SNX18: variants seen among roughly 807,000 people sequenced by gnomAD.
The protein encoded by SNX18 is sorting nexin-18.
A neutral mutation model predicts 48.7 loss-of-function variants in SNX18; 35 were observed. That is an observed-to-expected ratio of 0.72 (90% CI 0.55 to 0.95). The LOEUF (loss-of-function observed/expected upper bound fraction) is 0.95, where lower values mean the gene tolerates loss of function less well. Among genes scored for constraint, SNX18 ranks in the 40% least tolerant of loss-of-function variants. The pLI is 0.00. For synonymous variants in SNX18, 492 were observed against 384.7 expected, an observed-to-expected ratio of 1.28 and a Z score of -3.26; for missense variants, 824 against 871.0, an observed-to-expected ratio of 0.95 and a Z score of 0.68.
chr5:54,640,193 C>G, the SNX18 span, among the ~76,000 whole-genome samples: 4 of 150,656 alleles, frequency 2.7e-5, no homozygotes, highest in African/African-American at 9.8e-5. Context: ...AAGTTCATCA[C>G]TGTCTAGAAA....
At chr5:54,532,381 C>A (rs886381193) in intron 1 of SNX18, among the ~76,000 whole-genome samples, 1 of 144,362 alleles carries the variant, frequency 6.9e-6, no homozygotes, top group Non-Finnish European at 1.5e-5. Context: ...AAGAACTGGG[C>A]ACTGCAGACC....
the SNX18 span, among the ~76,000 whole-genome samples, chr5:54,628,903 C>G: frequency 1.3e-5 from 2 of 152,322 alleles, no homozygotes; most frequent in Non-Finnish European, 2.9e-5. Flanking sequence ...GTGTCTCCCC[C>G]TCGAGAAAAC....
chr5:54,623,132 G>A, the SNX18 span, among the ~76,000 whole-genome samples: 25 of 152,230 alleles, frequency 1.6e-4, no homozygotes, highest in South Asian at 6.2e-4. Context: ...ATCTGCTTAC[G>A]TGAGAACTGG....
chr5:54,569,874 C>T, the SNX18 span, among the ~76,000 whole-genome samples: 4 of 152,128 alleles, frequency 2.6e-5, no homozygotes, highest in Non-Finnish European at 5.9e-5. Context: ...GGGGAGGGGG[C>T]AAGATCCCAC....
chr5:54,535,411 A>G (rs572855391), intron 1 of SNX18, among the ~76,000 whole-genome samples: 2 of 152,374 alleles, frequency 1.3e-5, no homozygotes, highest in Admixed American at 1.3e-4. Context: ...GTACAGAATC[A>G]GCGTGGGAAT....
At chr5:54,620,914 C>T in the SNX18 span, among the ~76,000 whole-genome samples, 842 of 152,232 alleles carry the variant, frequency 5.5e-3, 7 homozygotes, top group African/African-American at 0.019. Flanking sequence ...TGGATTAGGG[C>T]CCCACTCCTC....
chr5:54,536,743 C>G (rs1388484199), intron 1 of SNX18, among the ~76,000 whole-genome samples: 1 of 152,032 alleles, frequency 6.6e-6, no homozygotes, highest in Admixed American at 6.5e-5. Context: ...GGATATATAC[C>G]CAGTAATGGG....
chr5:54,611,817 G>A, the SNX18 span, among the ~76,000 whole-genome samples: 1 of 152,188 alleles, frequency 6.6e-6, no homozygotes, highest in South Asian at 2.1e-4. Flanking sequence ...CAGTGTTGGG[G>A]TGAGGCAGGG....
chr5:54,561,615 C>T, the SNX18 span, among the ~76,000 whole-genome samples: 1 of 151,754 alleles, frequency 6.6e-6, no homozygotes, highest in African/African-American at 2.4e-5. Flanking sequence ...GCTGGGATTA[C>T]AGGCATGAAC....
At chr5:54,595,077 G>A in the SNX18 span, among the ~76,000 whole-genome samples, 1 of 152,078 alleles carries the variant, frequency 6.6e-6, no homozygotes, top group Non-Finnish European at 1.5e-5. Flanking sequence ...CACTGTTGAT[G>A]GGCACCTAGG....
chr5:54,603,543 G>A, the SNX18 span, among the ~76,000 whole-genome samples: 1 of 152,148 alleles, frequency 6.6e-6, no homozygotes, highest in African/African-American at 2.4e-5. Context: ...TGAATTCCCA[G>A]AGGAAGATGA....
At chr5:54,607,016 C>T in the SNX18 span, among the ~76,000 whole-genome samples, 2 of 152,118 alleles carry the variant, frequency 1.3e-5, no homozygotes, top group Non-Finnish European at 2.9e-5. Flanking sequence ...CAAATATGTC[C>T]TCCAGTTTTG....
At chr5:54,571,972 G>A in the SNX18 span, among the ~76,000 whole-genome samples, 1 of 152,220 alleles carries the variant, frequency 6.6e-6, no homozygotes, top group Admixed American at 6.5e-5. Flanking sequence ...AACCTGGCTG[G>A]AGGGAAGGAT....
intron 1 of SNX18, among the ~76,000 whole-genome samples, chr5:54,534,097 C>T (rs55908899): frequency 0.55 from 83,462 of 151,962 alleles, 23,506 homozygotes; most frequent in Non-Finnish European, 0.62. Context: ...GCTGTCCCTG[C>T]TGCCCTTCAG....
At chr5:54,578,021 G>T in the SNX18 span, among the ~76,000 whole-genome samples, 1 of 152,126 alleles carries the variant, frequency 6.6e-6, no homozygotes, top group Non-Finnish European at 1.5e-5. Context: ...GACTGGCCAG[G>T]CCCCACCTCC....
At chr5:54,610,869 C>T in the SNX18 span, among the ~76,000 whole-genome samples, 5 of 152,164 alleles carry the variant, frequency 3.3e-5, no homozygotes, top group African/African-American at 1.2e-4. Flanking sequence ...TGACATTAGT[C>T]CTTGAGAAGT....
chr5:54,565,826 C>G, the SNX18 span, among the ~76,000 whole-genome samples: 2 of 152,152 alleles, frequency 1.3e-5, no homozygotes, highest in Non-Finnish European at 2.9e-5. Flanking sequence ...TTATACAATT[C>G]AACTTTGTTT....
the SNX18 span, among the ~76,000 whole-genome samples, chr5:54,553,386 G>A: frequency 6.6e-6 from 1 of 152,088 alleles, no homozygotes; most frequent in African/African-American, 2.4e-5. Flanking sequence ...GGCAAGCACA[G>A]CAACAGGTCG....
Position 54,517,864 on chromosome 5 carries a change from G to C in SNX18, c.-89G>C. On this transcript the variant is annotated 5_prime_UTR_variant, in exon 1 of 2. Transcript: ENST00000381410. ...CCGCCTTCGGGGCTCCAGTCCGCGC[G>C]CCAGGGCTCGAGCAGTACCGCGGGC... The C allele has an allele frequency of 7.6e-7, 1 of 1,316,044 alleles. No homozygotes were observed. Among genetic ancestry groups the C allele is most frequent in the African/African-American group, 1.6e-5 (1 of 64,304 alleles). 81.5% of individuals were successfully genotyped at this position (1,316,044 alleles called of 1,614,324 possible). A position where few individuals can be genotyped will look rare whatever the true frequency, so the allele number is the denominator to read the frequency against.
Sources: gnomAD v4.1 joint callset for allele counts (sites outside exome capture counted in the v4.1 genomes callset) on GRCh38, gnomAD v4.1.1 for gene constraint, MANE v1.5 for transcripts, NCBI Gene and HGNC (gene_info 2026-07-23, HGNC 2026-07-21) for gene names.